The following PTPRK variants were observed in gnomAD, a reference collection of about 807,000 sequenced individuals.
PTPRK encodes the protein receptor-type tyrosine-protein phosphatase kappa.
In PTPRK, 75 loss-of-function variants were observed where a neutral mutation model predicts 178.0. The observed-to-expected ratio is 0.42, with a 90% confidence interval of 0.35 to 0.51. The LOEUF (loss-of-function observed/expected upper bound fraction) is 0.51. Ranked by LOEUF, PTPRK falls within the 20% of genes least tolerant of loss-of-function variation. The pLI, the probability that PTPRK is intolerant of heterozygous loss-of-function variation, is 0.02. For missense variants in PTPRK, 1,441 were observed against 1,797.8 expected (o/e 0.80, Z 3.59); for synonymous variants, 637 against 620.6 (o/e 1.03, Z -0.39).
chr6:128,236,611 T>G (rs1257840088), intron 5 of PTPRK, among the ~76,000 whole-genome samples: 1 of 152,108 alleles, frequency 6.6e-6, no homozygotes, highest in African/African-American at 2.4e-5. Flanking sequence ...CGTCCCAAAG[T>G]GCTGGGATTA....
intron 3 of PTPRK, among the ~76,000 whole-genome samples, chr6:128,257,588 T>C (rs747022390): frequency 1.3e-5 from 2 of 152,168 alleles, no homozygotes; most frequent in Non-Finnish European, 2.9e-5. Flanking sequence ...TACATATTTA[T>C]GGAGAGATCA....
intron 3 of PTPRK, among the ~76,000 whole-genome samples, chr6:128,287,298 C>A (rs746276198): frequency 6.6e-6 from 1 of 152,156 alleles, no homozygotes; most frequent in Admixed American, 6.5e-5. Flanking sequence ...ACTGTCTTCC[C>A]TGAAGACCAT....
intron 1 of PTPRK, among the ~76,000 whole-genome samples, chr6:128,473,100 C>T (rs1181677110): frequency 6.6e-6 from 1 of 152,088 alleles, no homozygotes; most frequent in African/African-American, 2.4e-5. Context: ...CAGGATCCTG[C>T]ATGGCATTTA....
intron 6 of PTPRK, among the ~76,000 whole-genome samples, chr6:128,214,122 G>T (rs966611462): frequency 3.3e-5 from 5 of 152,124 alleles, no homozygotes; most frequent in Admixed American, 1.3e-4. Context: ...AGCAAACAAA[G>T]ATGAACAAGA....
chr6:128,009,155 C>T lies in PTPRK; in HGVS notation c.2308G>A (p.Val770Ile), dbSNP rs149435736. The T allele has an allele frequency of 7.3e-5, 117 of 1,608,460 alleles. 1 individual carries two copies. The African/African-American group carries it at 1.1e-3, about 16-fold the overall frequency. ...CTCTTTTTTACAATTAATATGACAA[C>T]TAGGAGAAGGAGGATGAACACCAAA... ...GILVFILLLL[V>I]VILIVKKSKL... Residue 770 changes from valine to isoleucine, a missense_variant, in exon 14 of 30, where the codon GTT becomes ATT. Transcript: ENST00000368226.
chr6:128,283,200 C>A (rs1254057095), intron 3 of PTPRK, among the ~76,000 whole-genome samples: 1 of 152,182 alleles, frequency 6.6e-6, no homozygotes, highest in Non-Finnish European at 1.5e-5. Flanking sequence ...CCTTGGTGCA[C>A]ACTTGTCCTT....
chr6:128,498,266 G>A (rs1855024648), intron 1 of PTPRK, among the ~76,000 whole-genome samples: 1 of 152,168 alleles, frequency 6.6e-6, no homozygotes. Context: ...TGGATACTGA[G>A]GGGACTTTTC....
At chr6:128,011,378 TG>T (rs1375650068) in intron 13 of PTPRK, among the ~76,000 whole-genome samples, 1 of 151,228 alleles carries the variant, frequency 6.6e-6, no homozygotes. Flanking sequence ...GAAAATTCTC[TG>T]GAAGAGCAGT....
chr6:128,515,476 C>T (rs1857849785), intron 1 of PTPRK, among the ~76,000 whole-genome samples: 1 of 151,118 alleles, frequency 6.6e-6, no homozygotes, highest in Non-Finnish European at 1.5e-5. Flanking sequence ...AAAAGAAACA[C>T]CATTTGAAGA....
At chr6:128,090,027 A>G in intron 7 of PTPRK, 35 bp from the exon 8 acceptor site, 6 of 1,485,634 alleles carry the variant, frequency 4.0e-6, no homozygotes, top group Non-Finnish European at 5.6e-6. Flanking sequence ...ACAGCTGTCT[A>G]TTATATCATG....
At chr6:127,974,655 C>T (rs773329767) in intron 27 of PTPRK, among the ~76,000 whole-genome samples, 2 of 152,176 alleles carry the variant, frequency 1.3e-5, no homozygotes, top group Non-Finnish European at 2.9e-5. Flanking sequence ...GCAAAGAGGT[C>T]ATCTCTGATC....
At chr6:128,253,352 C>T (rs1816792241) in intron 3 of PTPRK, among the ~76,000 whole-genome samples, 1 of 152,112 alleles carries the variant, frequency 6.6e-6, no homozygotes, top group Non-Finnish European at 1.5e-5. Flanking sequence ...GCAACCTACA[C>T]CATAAAAGAT....
At chr6:128,458,736 A>C (rs1245088205) in intron 1 of PTPRK, among the ~76,000 whole-genome samples, 1 of 152,212 alleles carries the variant, frequency 6.6e-6, no homozygotes, top group Non-Finnish European at 1.5e-5. Context: ...TGGTCAATTA[A>C]AATTCAATAA....
intron 29 of PTPRK, among the ~76,000 whole-genome samples, chr6:127,972,244 C>T (rs1774011455): frequency 6.6e-6 from 1 of 152,176 alleles, no homozygotes; most frequent in Admixed American, 6.6e-5. Flanking sequence ...AAATGTAGGG[C>T]AAGCAACAAT....
At chr6:128,051,568 T>C (rs1445644421) in intron 13 of PTPRK, among the ~76,000 whole-genome samples, 1 of 152,146 alleles carries the variant, frequency 6.6e-6, no homozygotes, top group Non-Finnish European at 1.5e-5. Flanking sequence ...TCTTGGTATA[T>C]CTTCCTTTCG....
chr6:128,302,526 G>A (rs1442683333), intron 3 of PTPRK, among the ~76,000 whole-genome samples: 1 of 151,506 alleles, frequency 6.6e-6, no homozygotes, highest in Non-Finnish European at 1.5e-5. Context: ...AGTCTTCTAG[G>A]CTAAAGTCAA....
chr6:128,167,037 A>G (rs1473176834), intron 7 of PTPRK, among the ~76,000 whole-genome samples: 5 of 151,748 alleles, frequency 3.3e-5, no homozygotes, highest in Admixed American at 2.6e-4. Context: ...TTCCTCAAAA[A>G]GACTAAAAAT....
rs1044738028 is a variant in PTPRK at position 128,166,043 on chromosome 6, G to A, written c.1162+18389C>T. 5.3e-5 allele frequency among the ~76,000 whole-genome samples: 8 copies of A among 151,548 alleles called. No individual in the cohort carries two copies. The East Asian group carries it at 5.8e-4, about 11-fold the overall frequency. On this transcript the variant is annotated intron_variant, in intron 7 of 29. Coordinates refer to ENST00000368226, the MANE Select transcript of PTPRK (RefSeq NM_002844.4). Reference sequence around the variant, plus strand: ...AAGTTACTATAATTCTGACCAGTACGTCTTCCCCTTGGCTTTAGTATTAAC... The same window carrying A: ...AAGTTACTATAATTCTGACCAGTACATCTTCCCCTTGGCTTTAGTATTAAC...
intron 8 of PTPRK, 28 bp downstream of exon 8, chr6:128,089,662 C>T (rs1786582078): frequency 2.6e-6 from 4 of 1,558,550 alleles, no homozygotes; most frequent in Non-Finnish European, 3.5e-6. Context: ...AGAATTCCCC[C>T]CTTTTAAACA....
Sources: gnomAD v4.1 joint callset for allele counts (sites outside exome capture counted in the v4.1 genomes callset) on GRCh38, gnomAD v4.1.1 for gene constraint, MANE v1.5 for transcripts, NCBI Gene and HGNC (gene_info 2026-07-23, HGNC 2026-07-21) for gene names.